Variants in FER1L6 observed in about 807,000 individuals in gnomAD.
FER1L6 encodes fer-1-like protein 6.
A neutral mutation model predicts 219.2 loss-of-function variants in FER1L6; 177 were observed. That is an observed-to-expected ratio of 0.81 (90% confidence interval 0.71 to 0.91). The LOEUF is 0.91. FER1L6 is among the 40% of genes least tolerant of loss of function. The pLI, the probability that FER1L6 is intolerant of heterozygous loss-of-function variation, is 0.00. For synonymous variants in FER1L6, 768 were observed against 824.3 expected, an observed-to-expected ratio of 0.93 and a Z score of 1.17; for missense variants, 2,153 against 2,259.9, an observed-to-expected ratio of 0.95 and a Z score of 0.96.
In FER1L6 at chr8:123,909,374, G is replaced by T. The variant is rs1178005855; in HGVS notation, c.-7-46618G>T. On this transcript the variant is annotated intron_variant, in intron 1 of 40. Transcript: ENST00000522917. ...TGGGCCTTATTCTGTGGGCAGTGAGGGCGTGGGATCATGGAGATGACTTGT... is the reference window on the plus strand; with the variant it reads ...TGGGCCTTATTCTGTGGGCAGTGAGTGCGTGGGATCATGGAGATGACTTGT... 3.9e-5 allele frequency among the ~76,000 whole-genome samples: 6 copies of T among 152,154 alleles called. No individual in the cohort carries two copies. The South Asian group carries it at 1.2e-3, about 31-fold the overall frequency.
chr8:123,980,944 C>G (rs1245992963), intron 11 of FER1L6, 133 bp downstream of exon 11: 6 of 725,514 alleles, frequency 8.3e-6, no homozygotes, highest in Non-Finnish European at 1.3e-5. Context: ...TTGGCCCAGC[C>G]CTGTGTTCTC....
rs746709688 is a variant in FER1L6, at chr8:123,998,373, ACTCTCTCTCTCTCTCTCTCTCTCT to A, written c.1520-4765_1520-4742del. Among the ~76,000 whole-genome samples the A allele has an allele frequency of 4.2e-3, 137 of 32,488 alleles. 1 individual carries two copies. The highest frequency in any genetic ancestry group is 0.012 in the African/African-American group (126 of 10,272). 21.3% of individuals were successfully genotyped at this position (32,488 alleles called of 152,430 possible). On this transcript the variant is annotated intron_variant, in intron 12 of 40. Transcript: ENST00000522917. Reference sequence around the variant, plus strand: ...CTTAGTTTCCCTCAAAAAGAGGGAAACTCTCTCTCTCTCTCTCTCTCTCTCTCTCTCTCTCTCTCTCTCTCTCTC... The same window carrying A: ...CTTAGTTTCCCTCAAAAAGAGGGAAACTCTCTCTCTCTCTCTCTCTCTCTC...
intron 1 of FER1L6, among the ~76,000 whole-genome samples, chr8:123,899,463 G>A (rs1812820510): frequency 6.6e-6 from 1 of 152,140 alleles, no homozygotes; most frequent in Non-Finnish European, 1.5e-5. Context: ...TCTGTGGGTT[G>A]TCTGTTTACT....
At chr8:124,025,244 T>A (rs1250572625) in intron 18 of FER1L6, among the ~76,000 whole-genome samples, 1 of 152,112 alleles carries the variant, frequency 6.6e-6, no homozygotes, top group African/African-American at 2.4e-5. Context: ...TTTGGTGTCT[T>A]AGTCATAAAT....
At chr8:123,969,966 C>A in intron 5 of FER1L6, 69 bp from the exon 6 acceptor site, 1 of 1,226,064 alleles carries the variant, frequency 8.2e-7, no homozygotes, top group South Asian at 1.2e-5. Context: ...GATCTAAATC[C>A]ACTCCAAGGA....
chr8:123,910,801 T>A (rs780914097), intron 1 of FER1L6, among the ~76,000 whole-genome samples: 1 of 143,190 alleles, frequency 7.0e-6, no homozygotes, highest in Non-Finnish European at 1.5e-5. Context: ...TCCATATATA[T>A]AGAAGGGCAG....
chr8:124,019,381 A>T (rs903390630), intron 16 of FER1L6, among the ~76,000 whole-genome samples: 3 of 152,194 alleles, frequency 2.0e-5, no homozygotes, highest in Admixed American at 2.0e-4. Flanking sequence ...CTAGCACCAC[A>T]GTGCTTCATA....
intron 6 of FER1L6, among the ~76,000 whole-genome samples, chr8:123,972,824 G>A (rs531690889): frequency 3.2e-4 from 48 of 152,132 alleles, no homozygotes; most frequent in African/African-American, 9.7e-4. Flanking sequence ...TTTCTCATAC[G>A]TTGTGGCTTT....
chr8:124,107,820 C>T (rs1330424948), intron 39 of FER1L6, among the ~76,000 whole-genome samples: 1 of 152,144 alleles, frequency 6.6e-6, no homozygotes, highest in Non-Finnish European at 1.5e-5. Context: ...GAGGGAAGAA[C>T]TAACAGAGCC....
intron 39 of FER1L6, among the ~76,000 whole-genome samples, chr8:124,114,895 GTATATATATATA>G (rs71289637): frequency 0.011 from 990 of 90,068 alleles, 22 homozygotes; most frequent in African/African-American, 0.035. Flanking sequence ...GTGTGTGTGC[GTATATATATATA>G]TATATATATA....
intron 1 of FER1L6, among the ~76,000 whole-genome samples, chr8:123,889,855 C>T (rs1288301650): frequency 1.3e-5 from 2 of 152,024 alleles, no homozygotes; most frequent in African/African-American, 4.8e-5. Context: ...TAGGACAAGA[C>T]AGTCCAAGCA....
intron 1 of FER1L6, among the ~76,000 whole-genome samples, chr8:123,949,557 C>T (rs1329231000): frequency 6.6e-6 from 1 of 152,162 alleles, no homozygotes; most frequent in Admixed American, 6.5e-5. Context: ...AAAATACTAC[C>T]TCAATTGCTG....
intron 22 of FER1L6, among the ~76,000 whole-genome samples, chr8:124,053,939 C>G (rs1403688532): frequency 6.6e-6 from 1 of 152,188 alleles, no homozygotes; most frequent in Non-Finnish European, 1.5e-5. Flanking sequence ...CCTCCTCTAT[C>G]CAAGTTAGCT....
chr8:124,082,624 G>A (rs376231266), intron 33 of FER1L6, among the ~76,000 whole-genome samples, 166 bp downstream of exon 33: 18 of 152,256 alleles, frequency 1.2e-4, no homozygotes, highest in Admixed American at 7.2e-4. Flanking sequence ...GGGAAACTCT[G>A]TTCAGTGCAT....
chr8:123,959,087 G>C (rs958021685), intron 2 of FER1L6, among the ~76,000 whole-genome samples: 1 of 152,044 alleles, frequency 6.6e-6, no homozygotes, highest in African/African-American at 2.4e-5. Flanking sequence ...AAAGTGACAC[G>C]GTCTGGTTTT....
chr8:123,952,442 G>T (rs145088609), intron 1 of FER1L6, among the ~76,000 whole-genome samples: 1 of 152,168 alleles, frequency 6.6e-6, no homozygotes, highest in African/African-American at 2.4e-5. Context: ...TATCGGAGTC[G>T]CAGTAGCTTT....
intron 12 of FER1L6, among the ~76,000 whole-genome samples, chr8:123,993,070 C>T (rs1816938001): frequency 6.6e-6 from 1 of 150,722 alleles, no homozygotes; most frequent in Admixed American, 6.6e-5. Flanking sequence ...GATATGATTT[C>T]AATTTTTAAA....
chr8:124,108,133 G>A (rs537355927), intron 39 of FER1L6, among the ~76,000 whole-genome samples: 6 of 152,266 alleles, frequency 3.9e-5, no homozygotes, highest in Non-Finnish European at 7.4e-5. Flanking sequence ...GCCGAGGCAC[G>A]AGGATCCCTG....
intron 1 of FER1L6, among the ~76,000 whole-genome samples, chr8:123,920,390 G>A (rs543867746): frequency 2.0e-4 from 30 of 152,338 alleles, no homozygotes; most frequent in African/African-American, 5.3e-4. Context: ...TAGCCTCTGA[G>A]GGTCATAGTC....
Sources: allele counts gnomAD v4.1 joint callset (sites outside exome capture counted in the v4.1 genomes callset), GRCh38; gene constraint gnomAD v4.1.1; transcripts MANE v1.5; gene names NCBI Gene and HGNC (gene_info 2026-07-23, HGNC 2026-07-21).